Variants in ACSM2A observed in about 807,000 individuals in gnomAD.
ACSM2A encodes the protein acyl-coenzyme A synthetase ACSM2A, mitochondrial.
In ACSM2A, 72 loss-of-function variants were observed where a neutral mutation model predicts 76.6. That is an observed-to-expected ratio of 0.94 (90% CI 0.78 to 1.14). The LOEUF is 1.14. Among genes scored for constraint, ACSM2A ranks in the 50% most tolerant of loss-of-function variants. The pLI, the probability that ACSM2A is intolerant of heterozygous loss-of-function variation, is 0.00. For missense variants in ACSM2A, 684 were observed against 708.5 expected (o/e 0.97, Z 0.39); for synonymous variants, 249 against 255.9 (o/e 0.97, Z 0.26).
At position 20,456,607 on chromosome 16, in the gene ACSM2A, T is replaced by C. The variant is rs369823100; in HGVS notation, c.-8-3500T>C. 5.3e-3 allele frequency among the ~76,000 whole-genome samples: 801 copies of C among 150,614 alleles called. 5 individuals are homozygous for C. The highest frequency in any genetic ancestry group is 0.019 in the African/African-American group (756 of 40,484). On this transcript the variant is annotated intron_variant, in intron 1 of 13. Transcript: ENST00000573854. ...TTTAAAAATTTCTCACACTGAAGGA[T>C]AATAGTGACACAAGCTATCAAAACT...
At chr16:20,479,761 G>C (rs369987642) in intron 10 of ACSM2A, among the ~76,000 whole-genome samples, 12 of 152,292 alleles carry the variant, frequency 7.9e-5, no homozygotes, top group South Asian at 4.1e-4. Context: ...ACTCAGAAGC[G>C]TCTGTGGGGC....
intron 6 of ACSM2A, chr16:20,474,324 T>A (rs561669995): frequency 4.9e-6 from 1 of 203,784 alleles, no homozygotes; most frequent in African/African-American, 2.4e-5. Flanking sequence ...GAGGGATTAA[T>A]GGATTAATGG....
In ACSM2A at chr16:20,481,105, T is replaced by C. The variant is rs1334080714; in HGVS notation, c.1509+184T>C. Reference sequence around the variant, plus strand: ...CTCTGTTTCTCAGTTTCCCCATCTGTAAGATGAGGGATTGTTATGAGGGTT... The same window carrying C: ...CTCTGTTTCTCAGTTTCCCCATCTGCAAGATGAGGGATTGTTATGAGGGTT... On this transcript the variant is annotated intron_variant, in intron 12 of 13. Coordinates refer to ENST00000573854, the MANE Select transcript of ACSM2A (RefSeq NM_001308172.2). 11 of 705,030 alleles carry C rather than the reference T, an allele frequency of 1.6e-5. No individual in the cohort carries two copies. The East Asian group carries it at 1.6e-4, about 11-fold the overall frequency. 43.7% of individuals were successfully genotyped at this position (705,030 alleles called of 1,614,324 possible).
chr16:20,464,498 A>G (rs1313013943), intron 2 of ACSM2A, among the ~76,000 whole-genome samples: 1 of 152,194 alleles, frequency 6.6e-6, no homozygotes, highest in Non-Finnish European at 1.5e-5. Flanking sequence ...AGCAGGCACA[A>G]TAAAGGGCAA....
chr16:20,478,505 G>A (rs1375938030), intron 9 of ACSM2A, 71 bp from the exon 10 acceptor site: 93 of 1,544,800 alleles, frequency 6.0e-5, no homozygotes, highest in Non-Finnish European at 7.9e-5. Context: ...GACCAATTCA[G>A]CAATCTCATG....
At chr16:20,467,699 T>C (rs1225516563) in intron 3 of ACSM2A, among the ~76,000 whole-genome samples, 1 of 152,134 alleles carries the variant, frequency 6.6e-6, no homozygotes, top group Non-Finnish European at 1.5e-5. Flanking sequence ...TATTAGTGTG[T>C]TAGGAAAATA....
At chr16:20,469,999 A>C (rs1204425836) in intron 4 of ACSM2A, among the ~76,000 whole-genome samples, 2 of 150,438 alleles carry the variant, frequency 1.3e-5, no homozygotes, top group Non-Finnish European at 2.9e-5. Context: ...AAAAGCACTG[A>C]TCCATTAGCA....
intron 6 of ACSM2A, chr16:20,474,115 A>T: frequency 2.3e-6 from 1 of 435,042 alleles, no homozygotes; most frequent in Non-Finnish European, 4.5e-6. Flanking sequence ...AATGTATAAA[A>T]CCAAGGTGCA....
intron 10 of ACSM2A, among the ~76,000 whole-genome samples, chr16:20,480,322 C>T (rs940685993): frequency 2.0e-5 from 3 of 152,300 alleles, no homozygotes; most frequent in Non-Finnish European, 4.4e-5. Flanking sequence ...ATGAATACAT[C>T]AATAATATCT....
chr16:20,466,529 G>A (rs2013007270), intron 3 of ACSM2A, among the ~76,000 whole-genome samples: 1 of 152,290 alleles, frequency 6.6e-6, no homozygotes. Context: ...GATGGAGGAT[G>A]TTTCTTAAAT....
intron 3 of ACSM2A, among the ~76,000 whole-genome samples, chr16:20,468,132 T>G (rs1037528993): frequency 6.6e-6 from 1 of 152,160 alleles, no homozygotes; most frequent in African/African-American, 2.4e-5. Flanking sequence ...ATACTGAAAT[T>G]ATAGCCAGAA....
intron 1 of ACSM2A, among the ~76,000 whole-genome samples, chr16:20,458,982 A>G (rs2012435252): frequency 7.2e-6 from 1 of 138,182 alleles, no homozygotes; most frequent in East Asian, 2.3e-4. Flanking sequence ...AGAATGACTT[A>G]GTGGCATTCG....
chr16:20,461,939 T>A (rs1462468201), intron 2 of ACSM2A, among the ~76,000 whole-genome samples: 2 of 152,088 alleles, frequency 1.3e-5, no homozygotes, highest in Non-Finnish European at 2.9e-5. Flanking sequence ...AAGGAATGGG[T>A]GCTACTGATT....
intron 1 of ACSM2A, among the ~76,000 whole-genome samples, chr16:20,458,926 A>ATG: frequency 1.6e-5 from 1 of 61,598 alleles, no homozygotes; most frequent in South Asian, 6.3e-4. Flanking sequence ...ATATATATAT[A>ATG]TATATACATA....
intron 10 of ACSM2A, among the ~76,000 whole-genome samples, chr16:20,479,466 C>A (rs775135294): frequency 6.6e-6 from 1 of 152,164 alleles, no homozygotes; most frequent in South Asian, 2.1e-4. Flanking sequence ...GTTCAAAACC[C>A]TGCTCTACTA....
chr16:20,463,912 T>C (rs1304704225), intron 2 of ACSM2A, among the ~76,000 whole-genome samples: 1 of 152,182 alleles, frequency 6.6e-6, no homozygotes. Context: ...TCATCAAACA[T>C]TCAGGTCAAA....
chr16:20,480,439 A>T lies in ACSM2A; in HGVS notation c.1282-134A>T. On this transcript the variant is annotated intron_variant, in intron 10 of 13. Transcript: ENST00000573854. Reference sequence around the variant, plus strand: ...GGCCTAGGGTTGGCTGGTTCAGGGCATGTCTGCCATGTTCAGGTTATACAC... The same window carrying T: ...GGCCTAGGGTTGGCTGGTTCAGGGCTTGTCTGCCATGTTCAGGTTATACAC... 6 of 1,463,282 alleles carry T rather than the reference A, an allele frequency of 4.1e-6. No homozygotes were observed. In the African/African-American group the frequency reaches 4.2e-5, roughly 10 times the overall value. 90.6% of individuals were successfully genotyped at this position (1,463,282 alleles called of 1,614,324 possible).
At chr16:20,458,907 T>TATATATATATATATATATATATAC (rs1567356805) in intron 1 of ACSM2A, among the ~76,000 whole-genome samples, 9 of 36,510 alleles carry the variant, frequency 2.5e-4, no homozygotes, top group Non-Finnish European at 3.5e-4. Context: ...TATATATGCA[T>TATATATATATATATATATATATAC]ATATATATAT....
chr16:20,486,688 G>C lies in ACSM2A; in HGVS notation c.*10G>C, dbSNP rs542244831. On this transcript the variant is annotated 3_prime_UTR_variant, in exon 14 of 14. Coordinates refer to ENST00000573854, the MANE Select transcript of ACSM2A (RefSeq NM_001308172.2). ...AGCCCGTGCGCAGTGAGACATCTAA[G>C]AGACATTCATTTGGATTCCCCTCTT... 1.2e-6 allele frequency: 2 copies of C among 1,613,876 alleles called. No individual in the cohort carries two copies. The highest frequency in any genetic ancestry group is 3.3e-5 in the Admixed American group (2 of 60,030).
Sources: gnomAD v4.1 joint callset for allele counts (sites outside exome capture counted in the v4.1 genomes callset) on GRCh38, gnomAD v4.1.1 for gene constraint, MANE v1.5 for transcripts, NCBI Gene and HGNC (gene_info 2026-07-23, HGNC 2026-07-21) for gene names.